The following RANBP2 variants were observed in gnomAD, a reference collection of about 807,000 sequenced individuals.
RANBP2 encodes RAN binding protein 2, also known as E3 SUMO-protein ligase RanBP2.
RANBP2 carries 57 observed loss-of-function variants against 303.6 expected under a neutral mutation model. The observed-to-expected ratio is 0.19, with a 90% CI of 0.15 to 0.23. The LOEUF (loss-of-function observed/expected upper bound fraction) is 0.23. Ranked by LOEUF, RANBP2 falls within the 10% of genes least tolerant of loss-of-function variation. The pLI is 1.00. For synonymous variants in RANBP2, 1,167 were observed against 1,301.5 expected (o/e 0.90, Z 2.23); for missense variants, 3,138 against 3,780.8 (o/e 0.83, Z 4.46).
the RANBP2 span, among the ~76,000 whole-genome samples, chr2:109,011,430 T>G: frequency 2.6e-5 from 4 of 152,188 alleles, no homozygotes; most frequent in Non-Finnish European, 4.4e-5. Flanking sequence ...TGATTCCTGG[T>G]CTTTGTATGT....
rs138813100 is a variant in RANBP2, at chr2:108,767,967, A to G, written c.7428A>G (p.Thr2476=). The G allele has an allele frequency of 1.9e-6, 3 of 1,611,940 alleles. No homozygotes were observed. Among genetic ancestry groups the G allele is most frequent in the Non-Finnish European group, 2.5e-6 (3 of 1,179,852 alleles). ...KIAVAVLEET[T]RERTDVIQGD... ...CTGTAGCTGTATTAGAAGAAACCAC[A>G]AGAGAGAGGACAGATGTTATTCAGG... Residue 2476 remains threonine (T), a synonymous_variant, in exon 20 of 29, where the codon ACA becomes ACG. Transcript: ENST00000283195.
At chr2:109,593,820 G>A in the RANBP2 span, among the ~76,000 whole-genome samples, 1 of 152,080 alleles carries the variant, frequency 6.6e-6, no homozygotes, top group Admixed American at 6.5e-5. Context: ...GGTGTGGTGG[G>A]GAAAGCAGGG....
At chr2:109,625,100 A>AG in the RANBP2 span, among the ~76,000 whole-genome samples, 45 of 150,386 alleles carry the variant, frequency 3.0e-4, no homozygotes, top group African/African-American at 1.0e-3. Context: ...AAAAAAAAAA[A>AG]AAAAAAAGAA....
the RANBP2 span, among the ~76,000 whole-genome samples, chr2:108,965,761 G>C: frequency 3.3e-5 from 5 of 152,016 alleles, no homozygotes; most frequent in Admixed American, 6.6e-5. Context: ...ATGTGGTGGT[G>C]GGGGGCTGGG....
the RANBP2 span, chr2:108,912,573 G>A: frequency 7.3e-5 from 81 of 1,108,814 alleles, no homozygotes; most frequent in Middle Eastern, 2.9e-3. Context: ...GCCAGGTGGG[G>A]AAGCGCACCA....
At chr2:109,409,726 C>T in the RANBP2 span, among the ~76,000 whole-genome samples, 1 of 151,986 alleles carries the variant, frequency 6.6e-6, no homozygotes, top group African/African-American at 2.4e-5. Flanking sequence ...CACGCGGGGC[C>T]TCTGGCTACA....
chr2:109,237,354 ATGT>A, the RANBP2 span, among the ~76,000 whole-genome samples: 2 of 152,198 alleles, frequency 1.3e-5, no homozygotes, highest in Admixed American at 6.5e-5. Flanking sequence ...TTGAAAAAAA[ATGT>A]TGTTTCTCAG....
At chr2:109,275,567 G>A in the RANBP2 span, among the ~76,000 whole-genome samples, 2 of 152,160 alleles carry the variant, frequency 1.3e-5, no homozygotes, top group Non-Finnish European at 2.9e-5. Flanking sequence ...TGGCTGATGA[G>A]CACTCAAAAG....
intron 5 of RANBP2, 146 bp from the exon 6 acceptor site, chr2:108,735,958 T>C (rs1414474310): frequency 9.6e-6 from 15 of 1,556,690 alleles, no homozygotes; most frequent in Non-Finnish European, 1.3e-5. Flanking sequence ...AATGTATATA[T>C]TTTTGGTGTT....
At chr2:109,078,121 G>A in the RANBP2 span, among the ~76,000 whole-genome samples, 50 of 47,996 alleles carry the variant, frequency 1.0e-3, 3 homozygotes, top group South Asian at 0.015. Flanking sequence ...TATATATAGC[G>A]TGTATATATA....
the RANBP2 span, among the ~76,000 whole-genome samples, chr2:109,685,142 G>A: frequency 2.1e-4 from 32 of 152,272 alleles, no homozygotes; most frequent in East Asian, 6.2e-3. Context: ...CAAAGTGCTG[G>A]GATTACAGGC....
chr2:108,749,679 A>G (rs551396371), intron 9 of RANBP2, among the ~76,000 whole-genome samples: 10 of 152,108 alleles, frequency 6.6e-5, no homozygotes, highest in African/African-American at 2.2e-4. Context: ...GATACCTTGA[A>G]CTTCTGGGCT....
chr2:109,512,860 C>T, the RANBP2 span, among the ~76,000 whole-genome samples: 4 of 152,218 alleles, frequency 2.6e-5, no homozygotes, highest in East Asian at 1.9e-4. Flanking sequence ...AGGGAGCAGC[C>T]GCCTGCTATT....
At chr2:109,442,593 A>T in the RANBP2 span, among the ~76,000 whole-genome samples, 1 of 152,208 alleles carries the variant, frequency 6.6e-6, no homozygotes, top group Non-Finnish European at 1.5e-5. Flanking sequence ...TTGGGAAGGG[A>T]GAAGTGGAAG....
the RANBP2 span, among the ~76,000 whole-genome samples, chr2:109,355,346 T>C: frequency 6.6e-6 from 1 of 152,234 alleles, no homozygotes; most frequent in African/African-American, 2.4e-5. Flanking sequence ...GCCTGTGGTT[T>C]CTGGTTTGGT....
chr2:109,305,688 T>C, the RANBP2 span, among the ~76,000 whole-genome samples: 1 of 152,238 alleles, frequency 6.6e-6, no homozygotes, highest in Non-Finnish European at 1.5e-5. Context: ...TGCCTGTCAC[T>C]GTACACTCCT....
At chr2:109,398,995 C>A in the RANBP2 span, 1 of 1,525,938 alleles carries the variant, frequency 6.6e-7, no homozygotes, top group Non-Finnish European at 8.8e-7. Flanking sequence ...GGGGTTCTAT[C>A]CTCAGCTCCG....
chr2:109,537,571 T>A, the RANBP2 span, among the ~76,000 whole-genome samples: 1 of 151,862 alleles, frequency 6.6e-6, no homozygotes, highest in South Asian at 2.1e-4. Context: ...ATTTTTTTTT[T>A]AACGTGTTCT....
the RANBP2 span, among the ~76,000 whole-genome samples, chr2:109,713,810 G>A: frequency 6.6e-6 from 1 of 152,150 alleles, no homozygotes; most frequent in Non-Finnish European, 1.5e-5. Context: ...ATGATTGATC[G>A]AATGATCGAA....
Sources: gnomAD v4.1 joint callset for allele counts (sites outside exome capture counted in the v4.1 genomes callset) on GRCh38, gnomAD v4.1.1 for gene constraint, MANE v1.5 for transcripts, NCBI Gene and HGNC (gene_info 2026-07-23, HGNC 2026-07-21) for gene names.